EEFSEC: variants seen among roughly 807,000 people sequenced by gnomAD.
EEFSEC encodes the protein selenocysteine-specific elongation factor.
Under a neutral mutation model 42.1 loss-of-function variants are expected in EEFSEC, and 43 were observed. The observed-to-expected ratio is 1.02, with a 90% CI of 0.80 to 1.32. EEFSEC has a LOEUF of 1.32. Among genes scored for constraint, EEFSEC ranks in the 40% most tolerant of loss-of-function variants. The probability of loss-of-function intolerance (pLI) is 0.00; values close to 1 mark genes in which losing one functional copy is unlikely to be tolerated. For synonymous variants in EEFSEC, 354 were observed against 339.1 expected (o/e 1.04, Z -0.48); for missense variants, 745 against 803.6 (o/e 0.93, Z 0.88).
chr3:128,222,893 G>A (rs1476669099), intron 1 of EEFSEC, among the ~76,000 whole-genome samples: 2 of 152,244 alleles, frequency 1.3e-5, no homozygotes, highest in African/African-American at 4.8e-5. Context: ...AGTGATAACT[G>A]TGTCTCTGTT....
chr3:128,366,529 AGAG>A (rs982979437), intron 6 of EEFSEC, among the ~76,000 whole-genome samples: 2 of 152,182 alleles, frequency 1.3e-5, no homozygotes, highest in African/African-American at 2.4e-5. Context: ...CTGAGGGCAC[AGAG>A]GAGGAGGAGG....
At chr3:128,226,172 A>G (rs1423455553) in intron 1 of EEFSEC, among the ~76,000 whole-genome samples, 1 of 152,210 alleles carries the variant, frequency 6.6e-6, no homozygotes, top group African/African-American at 2.4e-5. Context: ...ACCTTGAAGG[A>G]AATGAATGTT....
intron 1 of EEFSEC, among the ~76,000 whole-genome samples, chr3:128,185,417 C>T (rs1034037232): frequency 1.3e-5 from 2 of 151,742 alleles, no homozygotes; most frequent in South Asian, 4.2e-4. Context: ...TGTGTGCAAC[C>T]ATATCATATT....
intron 5 of EEFSEC, among the ~76,000 whole-genome samples, chr3:128,348,111 A>G (rs1344747316): frequency 6.6e-6 from 1 of 152,200 alleles, no homozygotes; most frequent in Admixed American, 6.5e-5. Context: ...GCCCACATGG[A>G]ACTTAGATTG....
At chr3:128,354,225 C>T (rs1279385356) in intron 5 of EEFSEC, among the ~76,000 whole-genome samples, 1 of 152,162 alleles carries the variant, frequency 6.6e-6, no homozygotes, top group African/African-American at 2.4e-5. Flanking sequence ...ACTGCGGACA[C>T]AGAAGTTCGC....
At chr3:128,222,657 G>A (rs189651087) in intron 1 of EEFSEC, among the ~76,000 whole-genome samples, 2 of 152,116 alleles carry the variant, frequency 1.3e-5, no homozygotes, top group East Asian at 1.9e-4. Flanking sequence ...ACAATATTAC[G>A]CACTTTAACC....
chr3:128,316,656 G>A (rs2066948852), intron 4 of EEFSEC, among the ~76,000 whole-genome samples: 2 of 152,248 alleles, frequency 1.3e-5, no homozygotes, highest in African/African-American at 4.8e-5. Flanking sequence ...CGTGGGGGAT[G>A]AGGAGTGAGC....
intron 6 of EEFSEC, among the ~76,000 whole-genome samples, chr3:128,379,324 A>G (rs2067746710): frequency 6.6e-6 from 1 of 152,264 alleles, no homozygotes; most frequent in Admixed American, 6.5e-5. Flanking sequence ...ATTTCAAAGC[A>G]ATTGTAAAAA....
chr3:128,422,371 G>A, the EEFSEC span, among the ~76,000 whole-genome samples: 8 of 152,200 alleles, frequency 5.3e-5, no homozygotes, highest in Non-Finnish European at 8.8e-5. Context: ...ATGGCTCCCC[G>A]GGGTCAGAGG....
intron 1 of EEFSEC, among the ~76,000 whole-genome samples, chr3:128,159,696 A>G (rs1312996164): frequency 1.3e-5 from 2 of 152,094 alleles, no homozygotes; most frequent in African/African-American, 2.4e-5. Context: ...CAGTGGGCCC[A>G]CCAGCTGCTT....
intron 6 of EEFSEC, among the ~76,000 whole-genome samples, chr3:128,397,630 G>A (rs569612411): frequency 8.5e-5 from 13 of 152,352 alleles, no homozygotes; most frequent in South Asian, 2.1e-4. Flanking sequence ...CCTCAGCCCC[G>A]CCCAGGGCCA....
At chr3:128,235,194 G>A (rs1434490842) in intron 1 of EEFSEC, among the ~76,000 whole-genome samples, 3 of 151,472 alleles carry the variant, frequency 2.0e-5, no homozygotes, top group Non-Finnish European at 2.9e-5. Context: ...CCTCCCATAT[G>A]TCTGGGACCA....
At chr3:128,391,988 C>T (rs2067918928) in intron 6 of EEFSEC, among the ~76,000 whole-genome samples, 1 of 152,210 alleles carries the variant, frequency 6.6e-6, no homozygotes, top group South Asian at 2.1e-4. Context: ...GTGCCCCAGC[C>T]GTGGCTTCCC....
At chr3:128,302,053 T>C (rs1181028128) in intron 4 of EEFSEC, among the ~76,000 whole-genome samples, 1 of 152,222 alleles carries the variant, frequency 6.6e-6, no homozygotes, top group Non-Finnish European at 1.5e-5. Flanking sequence ...TTAAACCATC[T>C]GTCAAAGCTC....
chr3:128,228,045 G>C (rs965154164), intron 1 of EEFSEC, among the ~76,000 whole-genome samples: 2 of 152,216 alleles, frequency 1.3e-5, no homozygotes, highest in African/African-American at 4.8e-5. Context: ...GACTAGAGAA[G>C]AGTTGATTAA....
intron 1 of EEFSEC, among the ~76,000 whole-genome samples, chr3:128,216,028 G>T (rs112770656): frequency 2.1e-4 from 32 of 152,270 alleles, no homozygotes; most frequent in African/African-American, 6.5e-4. Context: ...TGCCAGTGGA[G>T]TGCTAGGTCT....
chr3:128,341,936 G>A (rs758086477), intron 5 of EEFSEC, 47 bp downstream of exon 5: 5 of 1,575,916 alleles, frequency 3.2e-6, no homozygotes, highest in East Asian at 2.2e-5. Context: ...TTCTTGCTCG[G>A]GCAGCTGGGA....
At chr3:128,383,225 A>G (rs911557425) in intron 6 of EEFSEC, among the ~76,000 whole-genome samples, 1 of 152,098 alleles carries the variant, frequency 6.6e-6, no homozygotes, top group Non-Finnish European at 1.5e-5. Flanking sequence ...GTATTCATCT[A>G]TTGGTTACAA....
At chr3:128,296,354 T>G (rs2066706062) in intron 4 of EEFSEC, among the ~76,000 whole-genome samples, 2 of 152,074 alleles carry the variant, frequency 1.3e-5, no homozygotes, top group African/African-American at 2.4e-5. Flanking sequence ...GCTAACACAG[T>G]CCAATGCCAC....
Sources: gnomAD v4.1 joint callset for allele counts (sites outside exome capture counted in the v4.1 genomes callset) on GRCh38, gnomAD v4.1.1 for gene constraint, MANE v1.5 for transcripts, NCBI Gene and HGNC (gene_info 2026-07-23, HGNC 2026-07-21) for gene names.